The following FRMPD4 variants were observed in gnomAD, a reference collection of about 807,000 sequenced individuals.
FRMPD4 encodes FERM and PDZ domain containing 4.
FRMPD4 carries 22 observed loss-of-function variants against 94.1 expected under a neutral mutation model. That is an observed-to-expected ratio of 0.23 (90% CI 0.17 to 0.33). The LOEUF (loss-of-function observed/expected upper bound fraction) is 0.33, where lower values mean the gene tolerates loss of function less well. FRMPD4 is among the 10% of genes least tolerant of loss of function. The pLI, the probability that FRMPD4 is intolerant of heterozygous loss-of-function variation, is 1.00. For synonymous variants in FRMPD4, 631 were observed against 548.6 expected (o/e 1.15, Z -2.10); for missense variants, 1,111 against 1,339.9 (o/e 0.83, Z 2.67).
At chrX:12,006,985 CTT>C (rs1039750515) in intron 3 of FRMPD4, among the ~76,000 whole-genome samples, 6 of 111,999 alleles carry the variant, frequency 5.4e-5, no homozygotes, top group African/African-American at 9.7e-5. Context: ...GGCCCAAACT[CTT>C]TGACTTTTCT....
rs542338064 is a variant in FRMPD4, at chrX:12,419,957, C to T, written c.42-78723C>T. On this transcript the variant is annotated intron_variant, in intron 1 of 16. Coordinates refer to ENST00000675598, the MANE Select transcript of FRMPD4 (RefSeq NM_001368397.1). ...CCACACTCCATGCTTCTTTGTTTTC[C>T]GTTACCGTCTTTAGGCTGGTGACAG... 4.3e-4 allele frequency among the ~76,000 whole-genome samples: 48 copies of T among 111,515 alleles called. 1 individual carries two copies. In the South Asian group the frequency reaches 0.014, roughly 32 times the overall value.
At chrX:11,902,239 T>C (rs766110644) in intron 3 of FRMPD4, among the ~76,000 whole-genome samples, 1 of 112,803 alleles carries the variant, frequency 8.9e-6, no homozygotes, top group East Asian at 2.8e-4. Flanking sequence ...CTTTGTCAGC[T>C]TGGCTGCTAT....
At chrX:12,074,063 T>C (rs953611825) in intron 3 of FRMPD4, among the ~76,000 whole-genome samples, 3 of 112,338 alleles carry the variant, frequency 2.7e-5, no homozygotes, top group African/African-American at 6.5e-5. Flanking sequence ...GGGTTCTTTA[T>C]AAAATCTGGA....
intron 2 of FRMPD4, among the ~76,000 whole-genome samples, chrX:12,505,026 C>T (rs1049688762): frequency 1.8e-5 from 2 of 111,502 alleles, no homozygotes; most frequent in African/African-American, 3.3e-5. Context: ...TGCACTGGGT[C>T]GCCTCTTTCT....
chrX:12,115,668 G>T (rs2055402585), intron 3 of FRMPD4, among the ~76,000 whole-genome samples: 2 of 108,542 alleles, frequency 1.8e-5, no homozygotes, highest in South Asian at 8.2e-4. Flanking sequence ...TCAGACTGTG[G>T]CTTCGTGTCA....
intron 1 of FRMPD4, among the ~76,000 whole-genome samples, chrX:12,369,944 C>T (rs1046553666): frequency 2.7e-5 from 3 of 111,831 alleles, no homozygotes; most frequent in South Asian, 3.7e-4. Flanking sequence ...ATATATTTTA[C>T]GTTTCATACG....
At chrX:12,085,308 A>G (rs1044515753) in intron 3 of FRMPD4, among the ~76,000 whole-genome samples, 2 of 112,310 alleles carry the variant, frequency 1.8e-5, no homozygotes, top group Non-Finnish European at 3.8e-5. Flanking sequence ...ACCTGTGAGT[A>G]TCTTTTGAAT....
intron 3 of FRMPD4, among the ~76,000 whole-genome samples, chrX:12,017,758 A>G (rs1428135364): frequency 8.9e-5 from 10 of 112,086 alleles, no homozygotes; most frequent in Admixed American, 4.7e-4. Flanking sequence ...GATGGACTAT[A>G]TGAGGCTCTA....
chrX:12,378,442 T>C (rs1205060057), intron 1 of FRMPD4, among the ~76,000 whole-genome samples: 2 of 112,645 alleles, frequency 1.8e-5, no homozygotes, highest in Non-Finnish European at 3.8e-5. Flanking sequence ...TGTAGGGCAG[T>C]GAACCTGAAC....
intron 1 of FRMPD4, among the ~76,000 whole-genome samples, chrX:11,860,534 A>C (rs1221650471): frequency 1.8e-5 from 2 of 112,050 alleles, no homozygotes; most frequent in Non-Finnish European, 3.8e-5. Context: ...GGAATTGGCA[A>C]CTTAGAGCCA....
chrX:12,286,193 A>G (rs770401423), intron 1 of FRMPD4, among the ~76,000 whole-genome samples: 1 of 112,386 alleles, frequency 8.9e-6, no homozygotes, highest in Admixed American at 9.4e-5. Flanking sequence ...AAACATCTGT[A>G]TATTCAGACA....
chrX:12,280,272 A>C (rs910001528), intron 1 of FRMPD4, among the ~76,000 whole-genome samples: 9 of 109,084 alleles, frequency 8.3e-5, no homozygotes, highest in Admixed American at 7.9e-4. Flanking sequence ...TAATAATAAT[A>C]ATAATAAAAC....
intron 2 of FRMPD4, among the ~76,000 whole-genome samples, chrX:12,505,749 AG>A (rs869162220): frequency 1.3e-5 from 1 of 78,803 alleles, no homozygotes; most frequent in African/African-American, 4.5e-5. Context: ...AAAAAAAAAA[AG>A]GGGGGGAGAG....
At chrX:12,407,646 A>T (rs747831909) in intron 1 of FRMPD4, among the ~76,000 whole-genome samples, 1 of 112,417 alleles carries the variant, frequency 8.9e-6, no homozygotes, top group South Asian at 3.7e-4. Flanking sequence ...AAACAGGGCA[A>T]TTCATAGGTC....
At chrX:12,404,946 A>G (rs1259132524) in intron 1 of FRMPD4, among the ~76,000 whole-genome samples, 2 of 111,285 alleles carry the variant, frequency 1.8e-5, no homozygotes, top group Non-Finnish European at 1.9e-5. Context: ...ATAAAACTTT[A>G]TTTATGAAGA....
At chrX:12,108,785 T>C (rs1458495919) in intron 3 of FRMPD4, among the ~76,000 whole-genome samples, 1 of 111,669 alleles carries the variant, frequency 9.0e-6, no homozygotes, top group African/African-American at 3.3e-5. Flanking sequence ...TAGTCTCTGA[T>C]AAAACAGACT....
At chrX:12,283,721 G>A (rs1357638147) in intron 1 of FRMPD4, among the ~76,000 whole-genome samples, 1 of 110,231 alleles carries the variant, frequency 9.1e-6, no homozygotes. Flanking sequence ...CCCTAGCCAG[G>A]CCCAAAGGCA....
chrX:12,426,047 G>C (rs145998353), intron 1 of FRMPD4, among the ~76,000 whole-genome samples: 1 of 112,131 alleles, frequency 8.9e-6, no homozygotes, highest in African/African-American at 3.2e-5. Flanking sequence ...ATTCTAGAAA[G>C]TTATTTTTCA....
intron 1 of FRMPD4, among the ~76,000 whole-genome samples, chrX:12,377,257 A>G (rs1316790): frequency 0.28 from 31,078 of 111,455 alleles, 3,321 homozygotes; most frequent in African/African-American, 0.31. Flanking sequence ...TGTCTTTGCA[A>G]CTCAGTCAAA....
Sources: allele counts gnomAD v4.1 joint callset (sites outside exome capture counted in the v4.1 genomes callset), GRCh38; gene constraint gnomAD v4.1.1; transcripts MANE v1.5; gene names NCBI Gene and HGNC (gene_info 2026-07-23, HGNC 2026-07-21).